The following DDAH1 variants were observed in gnomAD, a reference collection of about 807,000 sequenced individuals.
DDAH1 encodes the protein N(G),N(G)-dimethylarginine dimethylaminohydrolase 1.
DDAH1 carries 19 observed loss-of-function variants against 28.8 expected under a neutral mutation model. The observed-to-expected ratio is 0.66, with a 90% CI of 0.46 to 0.97. DDAH1 has a LOEUF of 0.97. Among genes scored for constraint, DDAH1 ranks in the 50% least tolerant of loss-of-function variants. The probability of loss-of-function intolerance (pLI) is 0.00; values close to 1 mark genes in which losing one functional copy is unlikely to be tolerated. For synonymous variants in DDAH1, 153 were observed against 154.4 expected (o/e 0.99, Z 0.07); for missense variants, 326 against 375.9 (o/e 0.87, Z 1.10).
At chr1:85,350,164 A>G (rs1289025513) in intron 4 of DDAH1, among the ~76,000 whole-genome samples, 1 of 137,250 alleles carries the variant, frequency 7.3e-6, no homozygotes, top group African/African-American at 2.6e-5. Context: ...ATTATTTTGA[A>G]TCATGGCCTT....
chr1:85,433,238 C>T (rs2100639219), intron 1 of DDAH1, among the ~76,000 whole-genome samples: 1 of 152,166 alleles, frequency 6.6e-6, no homozygotes, highest in Admixed American at 6.5e-5. Flanking sequence ...AGGTAAAACA[C>T]CCAGGACCTG....
At chr1:85,494,169 AT>A (rs1383664398) in intron 2 of DDAH1, 1 of 152,216 alleles carries the variant, frequency 6.6e-6, no homozygotes, top group Non-Finnish European at 1.5e-5. Flanking sequence ...CTGGATAATA[AT>A]TCAGATTTGC....
At chr1:85,421,735 T>C (rs567386033) in intron 1 of DDAH1, among the ~76,000 whole-genome samples, 6 of 152,228 alleles carry the variant, frequency 3.9e-5, no homozygotes, top group African/African-American at 1.4e-4. Context: ...TTTAGCAATA[T>C]GCATTTAAGA....
intron 1 of DDAH1, among the ~76,000 whole-genome samples, chr1:85,443,602 A>G (rs922986263): frequency 6.6e-6 from 1 of 152,238 alleles, no homozygotes; most frequent in Non-Finnish European, 1.5e-5. Flanking sequence ...CATTGAATCT[A>G]TAAATTACCT....
At chr1:85,509,216 A>G (rs924681190) in intron 1 of DDAH1, among the ~76,000 whole-genome samples, 2 of 152,136 alleles carry the variant, frequency 1.3e-5, no homozygotes, top group African/African-American at 2.4e-5. Flanking sequence ...CTGGAGTGGA[A>G]CTCCAGCAAA....
intron 1 of DDAH1, among the ~76,000 whole-genome samples, chr1:85,511,823 C>G (rs148445165): frequency 6.6e-6 from 1 of 152,170 alleles, no homozygotes; most frequent in African/African-American, 2.4e-5. Context: ...TCTGAATAGA[C>G]CAATAACAGG....
At chr1:85,395,228 CA>C (rs1459849038) in intron 1 of DDAH1, among the ~76,000 whole-genome samples, 1 of 151,906 alleles carries the variant, frequency 6.6e-6, no homozygotes, top group Non-Finnish European at 1.5e-5. Flanking sequence ...AAAAGAGATA[CA>C]AAAAAGTTGT....
At chr1:85,410,508 A>C (rs1652601143) in intron 1 of DDAH1, among the ~76,000 whole-genome samples, 1 of 151,852 alleles carries the variant, frequency 6.6e-6, no homozygotes. Context: ...GCATGGTGGC[A>C]CATGCCTGTA....
At chr1:85,369,911 A>G (rs971484110) in intron 1 of DDAH1, among the ~76,000 whole-genome samples, 1 of 152,326 alleles carries the variant, frequency 6.6e-6, no homozygotes, top group Middle Eastern at 3.4e-3. Context: ...TGTTGCCCAT[A>G]GGAAGAATGT....
At chr1:85,488,615 T>C (rs1213503470) in intron 2 of DDAH1, among the ~76,000 whole-genome samples, 2 of 152,182 alleles carry the variant, frequency 1.3e-5, no homozygotes, top group African/African-American at 2.4e-5. Flanking sequence ...CATATAGACA[T>C]ATAAAGAGCT....
chr1:85,360,914 TAAA>T (rs1480876753), intron 1 of DDAH1, among the ~76,000 whole-genome samples: 1 of 152,182 alleles, frequency 6.6e-6, no homozygotes, highest in African/African-American at 2.4e-5. Flanking sequence ...GGGCAGTACT[TAAA>T]AAAATTCAAT....
intron 1 of DDAH1, among the ~76,000 whole-genome samples, chr1:85,460,781 G>A (rs1340179847): frequency 1.3e-5 from 2 of 152,088 alleles, no homozygotes; most frequent in African/African-American, 4.8e-5. Context: ...TGCAAGAGTG[G>A]GCGTAGAAGG....
rs34823363 is a variant in DDAH1, at chr1:85,341,842, CA to C, written c.597+8572del. On this transcript the variant is annotated intron_variant, in intron 4 of 5. Transcript: ENST00000284031. ...ACAAAAACAAAGAGAAAAACAAAAACAAAAAAAAACCCCAGATGTTCCATCA... is the reference window on the plus strand; with the variant it reads ...ACAAAAACAAAGAGAAAAACAAAAACAAAAAAAACCCCAGATGTTCCATCA... Among the ~76,000 whole-genome samples the C allele has an allele frequency of 6.0e-5, 9 of 150,654 alleles. No homozygotes were observed. In the South Asian group the frequency reaches 1.1e-3, roughly 18 times the overall value.
intron 1 of DDAH1, among the ~76,000 whole-genome samples, chr1:85,514,837 T>C (rs1328612709): frequency 6.6e-6 from 1 of 152,152 alleles, no homozygotes; most frequent in Non-Finnish European, 1.5e-5. Context: ...TGTCCTAAAC[T>C]TACCTTGTAG....
intron 1 of DDAH1, among the ~76,000 whole-genome samples, chr1:85,391,349 C>A (rs761817233): frequency 1.3e-5 from 2 of 152,090 alleles, no homozygotes; most frequent in African/African-American, 2.4e-5. Context: ...TGCCTATAAC[C>A]CCAGCTACTT....
chr1:85,522,730 G>C (rs1360709955), intron 1 of DDAH1, among the ~76,000 whole-genome samples: 1 of 151,806 alleles, frequency 6.6e-6, no homozygotes. Context: ...TTTTCTCTCT[G>C]TTATATAGGG....
At chr1:85,522,837 G>A (rs1657737561) in intron 1 of DDAH1, among the ~76,000 whole-genome samples, 1 of 151,810 alleles carries the variant, frequency 6.6e-6, no homozygotes. Context: ...CCTGAAGTTG[G>A]TTTATGTAAT....
intron 1 of DDAH1, among the ~76,000 whole-genome samples, chr1:85,432,845 T>C (rs1356326411): frequency 1.3e-5 from 2 of 152,184 alleles, no homozygotes. Context: ...AGGCATAGCA[T>C]GGTGAAAGCA....
chr1:85,342,011 C>T (rs747337105), intron 4 of DDAH1, among the ~76,000 whole-genome samples: 19 of 152,228 alleles, frequency 1.2e-4, no homozygotes, highest in South Asian at 2.1e-4. Context: ...GTTTAAGACA[C>T]AGCATTTCAC....
Sources: allele counts gnomAD v4.1 joint callset (sites outside exome capture counted in the v4.1 genomes callset), GRCh38; gene constraint gnomAD v4.1.1; transcripts MANE v1.5; gene names NCBI Gene and HGNC (gene_info 2026-07-23, HGNC 2026-07-21).